TACC1: variants seen among roughly 807,000 people sequenced by gnomAD.
TACC1 encodes the protein transforming acidic coiled-coil containing protein 1.
TACC1 carries 48 observed loss-of-function variants against 84.4 expected under a neutral mutation model. The observed-to-expected ratio is 0.57, with a 90% CI of 0.45 to 0.72. The LOEUF is 0.72. TACC1 is among the 30% of genes least tolerant of loss of function. The pLI is 0.00. For synonymous variants in TACC1, 372 were observed against 376.3 expected (o/e 0.99, Z 0.13); for missense variants, 920 against 973.0 (o/e 0.95, Z 0.72).
intron 1 of TACC1, among the ~76,000 whole-genome samples, chr8:38,733,906 G>A (rs1805460010): frequency 6.6e-6 from 1 of 152,226 alleles, no homozygotes; most frequent in Non-Finnish European, 1.5e-5. Context: ...GGAATCAGCA[G>A]TTCTGGGAGA....
In TACC1 at chr8:38,848,254, T is replaced by C. The variant is rs569383358; in HGVS notation, c.*231T>C. On this transcript the variant is annotated 3_prime_UTR_variant, in exon 13 of 13. Transcript: ENST00000317827. ...AGTGTGACCTGACAGTGCTGGAGCC[T>C]CCTAGTTTCCCCCTATGAAGGTTCC... 3 of 370,596 alleles carry C rather than the reference T, an allele frequency of 8.1e-6. No individual in the cohort carries two copies. Among genetic ancestry groups the C allele is most frequent in the East Asian group, 8.1e-5 (2 of 24,814 alleles). 23.0% of individuals were successfully genotyped at this position (370,596 alleles called of 1,614,324 possible). A position where few individuals can be genotyped will look rare whatever the true frequency, so the allele number is the denominator to read the frequency against.
chr8:38,852,042 AGG>A lies in TACC1; in HGVS notation c.*4020_*4021del. The A allele has an allele frequency of 2.2e-6, 1 of 450,850 alleles. No individual in the cohort carries two copies. Among genetic ancestry groups the A allele is most frequent in the East Asian group, 7.0e-5 (1 of 14,358 alleles). 27.9% of individuals were successfully genotyped at this position (450,850 alleles called of 1,614,324 possible). On this transcript the variant is annotated 3_prime_UTR_variant, in exon 13 of 13. Transcript: ENST00000317827. ...CTGATGTAACAGACTCTCCTCTCAA[AGG>A]ATCTCCTCTGGAAGAGACTATCAGC...
chr8:38,758,545 G>A (rs548175615), intron 3 of TACC1, among the ~76,000 whole-genome samples: 8 of 151,984 alleles, frequency 5.3e-5, no homozygotes, highest in South Asian at 4.2e-4. Flanking sequence ...CTAGCATGGC[G>A]GTGCGAGCCT....
At chr8:38,777,235 A>T (rs1308915573) in intron 3 of TACC1, among the ~76,000 whole-genome samples, 1 of 151,202 alleles carries the variant, frequency 6.6e-6, no homozygotes, top group African/African-American at 2.4e-5. Flanking sequence ...CAGCCTGGGC[A>T]ACAGAGTGAG....
At chr8:38,839,115 CTGA>C (rs763826953) in intron 8 of TACC1, among the ~76,000 whole-genome samples, 30 of 152,122 alleles carry the variant, frequency 2.0e-4, no homozygotes, top group Non-Finnish European at 3.8e-4. Context: ...TTTGTAACTC[CTGA>C]GCTCAAGCAA....
intron 6 of TACC1, 27 bp downstream of exon 6, chr8:38,831,204 G>A (rs371288557): frequency 6.2e-6 from 10 of 1,612,996 alleles, no homozygotes; most frequent in East Asian, 2.2e-5. Context: ...GGAGGGCCGG[G>A]TGGACTCAGG....
Position 38,846,667 on chromosome 8 carries a change from G to C in TACC1, c.2229-32G>C, listed in dbSNP as rs1377191457. 4.3e-6 allele frequency: 7 copies of C among 1,611,106 alleles called. No individual in the cohort carries two copies. In the Admixed American group the frequency reaches 5.0e-5, roughly 12 times the overall value. ...ACTAGTGGCTAATCATGTGCTTTTT[G>C]TCTCTTTATTACACCCAAACACCAT... On this transcript the variant is annotated intron_variant, in intron 11 of 12. Coordinates refer to ENST00000317827, the MANE Select transcript of TACC1 (RefSeq NM_006283.3).
chr8:38,757,088 C>G (rs1810196985), intron 3 of TACC1, among the ~76,000 whole-genome samples: 2 of 152,202 alleles, frequency 1.3e-5, no homozygotes, highest in Admixed American at 1.3e-4. Flanking sequence ...CCGCACGCCC[C>G]AGGGGCTCCG....
At chr8:38,780,955 A>G (rs1332095443) in intron 3 of TACC1, among the ~76,000 whole-genome samples, 1 of 152,240 alleles carries the variant, frequency 6.6e-6, no homozygotes, top group Non-Finnish European at 1.5e-5. Context: ...TATTGGTCAC[A>G]AACACATGAG....
chr8:38,818,202 C>T (rs1471950757), intron 2 of TACC1, among the ~76,000 whole-genome samples: 2 of 152,142 alleles, frequency 1.3e-5, no homozygotes, highest in Non-Finnish European at 2.9e-5. Flanking sequence ...GGCCACTGCA[C>T]TCCAGCCTGG....
chr8:38,831,379 C>T (rs1156433089), intron 6 of TACC1, among the ~76,000 whole-genome samples: 1 of 152,144 alleles, frequency 6.6e-6, no homozygotes, highest in Non-Finnish European at 1.5e-5. Context: ...TGAACTGTAG[C>T]TACTCAGAAA....
rs149182111 is a variant in TACC1, at chr8:38,732,039, G to A, written c.-675+3368G>A. 9.3e-3 allele frequency among the ~76,000 whole-genome samples: 1,411 copies of A among 152,242 alleles called. 8 individuals are homozygous for A. Among genetic ancestry groups the A allele is most frequent in the Non-Finnish European group, 0.011 (760 of 68,016 alleles). ...AGGCAGGAGAATTGCTTAAGCCCAG[G>A]AGGCAGAGGTTGCAGTGAGCCAAGA... On this transcript the variant is annotated intron_variant, in intron 1 of 14. Coordinates refer to the TACC1 transcript ENST00000518415.
At chr8:38,783,813 TAC>T (rs1364373502), upstream of TACC1, among the ~76,000 whole-genome samples, 1 of 152,244 alleles carries the variant, frequency 6.6e-6, no homozygotes, top group East Asian at 1.9e-4. Flanking sequence ...AAATGCATTG[TAC>T]ACAGTCCTGA....
intron 9 of TACC1, 43 bp downstream of exon 9, chr8:38,840,310 T>C: frequency 6.5e-7 from 1 of 1,547,118 alleles, no homozygotes; most frequent in Non-Finnish European, 8.9e-7. Context: ...AGCCATAGGA[T>C]CTGTCTTAGT....
chr8:38,747,841 T>C (rs1045635161), intron 3 of TACC1, among the ~76,000 whole-genome samples: 1 of 152,202 alleles, frequency 6.6e-6, no homozygotes. Context: ...CAAACTCTAA[T>C]GTAAACTACG....
At chr8:38,808,829 AGTTT>A (rs1355638095) in intron 2 of TACC1, among the ~76,000 whole-genome samples, 1 of 152,124 alleles carries the variant, frequency 6.6e-6, no homozygotes, top group African/African-American at 2.4e-5. Context: ...TTATGTGGTT[AGTTT>A]GTTTTTCTCT....
chr8:38,734,818 G>C (rs1478231710), intron 1 of TACC1, among the ~76,000 whole-genome samples: 1 of 152,270 alleles, frequency 6.6e-6, no homozygotes, highest in Non-Finnish European at 1.5e-5. Context: ...AACAAGCAAG[G>C]GTGCCTGCGG....
chr8:38,752,011 G>A (rs569775600), intron 3 of TACC1, among the ~76,000 whole-genome samples: 5 of 152,256 alleles, frequency 3.3e-5, no homozygotes, highest in South Asian at 2.1e-4. Flanking sequence ...ACCACCAAGC[G>A]TAGTTCCTAG....
intron 3 of TACC1, among the ~76,000 whole-genome samples, chr8:38,761,958 A>G (rs1045092440): frequency 1.2e-4 from 18 of 152,216 alleles, no homozygotes; most frequent in Non-Finnish European, 5.9e-5. Context: ...CGTGAAGCCA[A>G]TCCCGAAGGA....
Sources: gnomAD v4.1 joint callset for allele counts (sites outside exome capture counted in the v4.1 genomes callset) on GRCh38, gnomAD v4.1.1 for gene constraint, MANE v1.5 for transcripts, NCBI Gene and HGNC (gene_info 2026-07-23, HGNC 2026-07-21) for gene names.